The following PCDH11X variants were observed in gnomAD, a reference collection of about 807,000 sequenced individuals.
The protein encoded by PCDH11X is protocadherin 11 X-linked, also known as protocadherin-11 X-linked.
A neutral mutation model predicts 53.3 loss-of-function variants in PCDH11X; 18 were observed. The ratio of observed to expected loss-of-function variants is 0.34; its 90% CI spans 0.23 to 0.50. PCDH11X has a LOEUF of 0.50. Among genes scored for constraint, PCDH11X ranks in the 20% least tolerant of loss-of-function variants. The probability of loss-of-function intolerance (pLI) is 0.98; values close to 1 mark genes in which losing one functional copy is unlikely to be tolerated. For synonymous variants in PCDH11X, 279 were observed against 393.3 expected (o/e 0.71, Z 3.44); for missense variants, 570 against 1,032.4 (o/e 0.55, Z 6.14).
chrX:92,173,145 T>C (rs1053343701), intron 6 of PCDH11X, among the ~76,000 whole-genome samples: 1 of 111,876 alleles, frequency 8.9e-6, no homozygotes, highest in Non-Finnish European at 1.9e-5. Context: ...GTCTTTCTTT[T>C]CAGGAGTCTT....
intron 1 of PCDH11X, among the ~76,000 whole-genome samples, chrX:91,791,889 T>C (rs1365313510): frequency 1.1e-5 from 1 of 92,772 alleles, no homozygotes; most frequent in African/African-American, 4.1e-5. Flanking sequence ...TGAGACGGAG[T>C]CTCGCTCTGT....
At chrX:91,824,694 T>C (rs140291202) in intron 4 of PCDH11X, among the ~76,000 whole-genome samples, 28,644 of 102,319 alleles carry the variant, frequency 0.28, 3,990 homozygotes, top group African/African-American at 0.41. Context: ...CATTCTCTGT[T>C]CAGCTTTGTT....
At chrX:91,829,276 C>CATAGATATA (rs1438171841) in intron 4 of PCDH11X, among the ~76,000 whole-genome samples, 8 of 108,866 alleles carry the variant, frequency 7.3e-5, no homozygotes, top group African/African-American at 2.7e-4. Flanking sequence ...ATATAAAACT[C>CATAGATATA]ATAGATATAA....
chrX:92,037,900 G>GTT (rs796494289), intron 6 of PCDH11X, among the ~76,000 whole-genome samples: 5 of 88,567 alleles, frequency 5.6e-5, no homozygotes, highest in Non-Finnish European at 9.2e-5. Flanking sequence ...TTATTTGTGG[G>GTT]TTTTTTTTTT....
rs2755286 is a variant in PCDH11X, at chrX:92,298,465, C to T, written c.3144+35322C>T. ...ATCACATTTATTGGTTTGCATTTGT[C>T]GAAACAAACTTGTATCCCAGGAATA... is the stretch of plus-strand genomic sequence containing the variant. On this transcript the variant is annotated intron_variant, in intron 8 of 10. Coordinates refer to ENST00000682573, the MANE Select transcript of PCDH11X (RefSeq NM_032968.5). Among the ~76,000 whole-genome samples, 134 of 111,829 alleles carry T rather than the reference C, an allele frequency of 1.2e-3. 1 individual carries two copies. Among genetic ancestry groups the T allele is most frequent in the African/African-American group, 4.1e-3 (126 of 30,820 alleles).
At chrX:91,820,851 A>G (rs2147582679) in intron 4 of PCDH11X, among the ~76,000 whole-genome samples, 1 of 103,019 alleles carries the variant, frequency 9.7e-6, no homozygotes, top group African/African-American at 4.3e-5. Flanking sequence ...ATTTTTATAT[A>G]AGGTGTAAGG....
chrX:92,379,701 T>C (rs1174044586), intron 8 of PCDH11X, among the ~76,000 whole-genome samples: 1 of 109,105 alleles, frequency 9.2e-6, no homozygotes, highest in African/African-American at 3.3e-5. Flanking sequence ...TGCCTATGGC[T>C]GTCCATGGAC....
intron 6 of PCDH11X, chrX:91,879,737 A>G: frequency 2.6e-6 from 2 of 775,960 alleles, no homozygotes; most frequent in Non-Finnish European, 3.0e-6. Context: ...ACAGAAATTC[A>G]GCACCAAGTT....
chrX:92,398,233 AG>A (rs1041761022), intron 9 of PCDH11X, among the ~76,000 whole-genome samples: 3 of 111,280 alleles, frequency 2.7e-5, no homozygotes, highest in Non-Finnish European at 3.8e-5. Flanking sequence ...ACTGTGGCTA[AG>A]TAAAAAAACC....
chrX:91,904,686 T>A (rs1398746447), intron 6 of PCDH11X, among the ~76,000 whole-genome samples: 2 of 111,363 alleles, frequency 1.8e-5, no homozygotes, highest in African/African-American at 3.3e-5. Flanking sequence ...TTTTATTAAA[T>A]ACTCTTCTCA....
intron 6 of PCDH11X, among the ~76,000 whole-genome samples, chrX:92,023,015 G>A (rs1487709154): frequency 1.8e-5 from 2 of 110,779 alleles, no homozygotes; most frequent in Non-Finnish European, 3.8e-5. Context: ...CACAGCTAAA[G>A]CAGTGTTAAG....
intron 6 of PCDH11X, among the ~76,000 whole-genome samples, chrX:91,901,844 C>A (rs1940966883): frequency 9.0e-6 from 1 of 111,420 alleles, no homozygotes; most frequent in Non-Finnish European, 1.9e-5. Flanking sequence ...AAATAAATAC[C>A]TAAAATACAA....
rs3813173 is a variant in PCDH11X at position 92,618,534 on chromosome X, C to T, written c.3638C>T (p.Pro1213Leu). Reference sequence around the variant, plus strand: ...ATCGCATTGTGCCACAGCCCACCACCGATACAGGTGTCTGCTCTCCACCAC... The same window carrying T: ...ATCGCATTGTGCCACAGCCCACCACTGATACAGGTGTCTGCTCTCCACCAC... ...QTIALCHSPP[P>L]IQVSALHHSP... The change falls in exon 11 of 11, where the codon CCG becomes CTG. Residue 1213 changes from proline to leucine, a missense_variant. Physicochemically the swap from Pro to Leu is moderately conservative, Grantham distance 98. Transcript: ENST00000682573. 2,280 of 1,209,827 alleles carry T rather than the reference C, an allele frequency of 1.9e-3. 43 individuals carry two copies. The East Asian group carries it at 0.047, about 25-fold the overall frequency.
At chrX:92,466,560 A>C (rs770653576) in intron 9 of PCDH11X, among the ~76,000 whole-genome samples, 1 of 110,198 alleles carries the variant, frequency 9.1e-6, no homozygotes, top group East Asian at 2.8e-4. Flanking sequence ...TCAGTCTTAA[A>C]AGTTTTAAGC....
At chrX:92,589,546 T>A (rs1396764542) in intron 10 of PCDH11X, among the ~76,000 whole-genome samples, 2 of 111,652 alleles carry the variant, frequency 1.8e-5, no homozygotes, top group Non-Finnish European at 3.8e-5. Flanking sequence ...TATAAGATAG[T>A]ATTCGCAAGC....
At chrX:92,239,610 C>T (rs183692259) in intron 7 of PCDH11X, among the ~76,000 whole-genome samples, 9 of 111,801 alleles carry the variant, frequency 8.1e-5, no homozygotes, top group Admixed American at 4.8e-4. Flanking sequence ...ATTACTCTCT[C>T]GCCAGACAAC....
intron 6 of PCDH11X, among the ~76,000 whole-genome samples, chrX:92,147,863 C>CTTTTTTCTTT (rs1457716676): frequency 1.6e-5 from 1 of 60,923 alleles, no homozygotes; most frequent in Non-Finnish European, 3.2e-5. Flanking sequence ...TTTTTCTTTT[C>CTTTTTTCTTT]TCTCTTTCCT....
chrX:91,971,452 T>C lies in PCDH11X; in HGVS notation c.3033+92179T>C, dbSNP rs766458014. 3.7e-5 allele frequency among the ~76,000 whole-genome samples: 4 copies of C among 108,717 alleles called. No individual in the cohort carries two copies. In the East Asian group the frequency reaches 8.7e-4, roughly 24 times the overall value. 94.4% of individuals were successfully genotyped at this position (108,717 alleles called of 115,157 possible). ...GCTCTAAACCAGGGAACTATATCAG[T>C]TGCATAGACAATGAATCCAGTCTGG... On this transcript the variant is annotated intron_variant, in intron 6 of 10. Transcript: ENST00000682573.
chrX:92,015,546 T>C (rs1184729041), intron 6 of PCDH11X, among the ~76,000 whole-genome samples: 1 of 112,608 alleles, frequency 8.9e-6, no homozygotes, highest in African/African-American at 3.2e-5. Flanking sequence ...AATTCAACAA[T>C]GTTCACCGCA....
Sources: gnomAD v4.1 joint callset for allele counts (sites outside exome capture counted in the v4.1 genomes callset) on GRCh38, gnomAD v4.1.1 for gene constraint, MANE v1.5 for transcripts, NCBI Gene and HGNC (gene_info 2026-07-23, HGNC 2026-07-21) for gene names.